POLD1: variants seen among roughly 807,000 people sequenced by gnomAD.
POLD1 encodes the protein DNA polymerase delta 1, catalytic subunit.
Under a neutral mutation model 129.7 loss-of-function variants are expected in POLD1, and 79 were observed. The observed-to-expected ratio is 0.61, with a 90% CI of 0.51 to 0.73. The LOEUF (loss-of-function observed/expected upper bound fraction) is 0.73, where lower values mean the gene tolerates loss of function less well. Ranked by LOEUF, POLD1 falls within the 30% of genes least tolerant of loss-of-function variation. The pLI, the probability that POLD1 is intolerant of heterozygous loss-of-function variation, is 0.00. For synonymous variants in POLD1, 714 were observed against 683.3 expected, an observed-to-expected ratio of 1.04 and a Z score of -0.70; for missense variants, 1,338 against 1,595.8, an observed-to-expected ratio of 0.84 and a Z score of 2.75.
chr19:50,389,328 C>A (rs1204880665), intron 1 of POLD1, among the ~76,000 whole-genome samples: 1 of 151,752 alleles, frequency 6.6e-6, no homozygotes, highest in Non-Finnish European at 1.5e-5. Flanking sequence ...CACCATGTTG[C>A]CTAGGCTGAT....
At position 50,409,026 on chromosome 19, in the gene POLD1, G is replaced by T; in HGVS notation, c.1893-96G>T. 2 of 1,309,448 alleles carry T rather than the reference G, an allele frequency of 1.5e-6. No homozygotes were observed. The highest frequency in any genetic ancestry group is 2.5e-5 in the South Asian group (2 of 78,898). 81.1% of individuals were successfully genotyped at this position (1,309,448 alleles called of 1,614,324 possible). On this transcript the variant is annotated intron_variant, in intron 15 of 26. Coordinates refer to ENST00000440232, the MANE Select transcript of POLD1 (RefSeq NM_002691.4). The surrounding 1 kb of genome is among the most constrained non-coding windows in gnomAD (Gnocchi z 5.8). ...TAGGGAGTGGAGGGGTGCTTGAGGG[G>T]CCTGCGTGTGCTCATGGCCAAGGCC...
At chr19:50,403,681 C>T in intron 10 of POLD1, 84 bp downstream of exon 10, 4 of 880,176 alleles carry the variant, frequency 4.5e-6, no homozygotes, top group Non-Finnish European at 5.8e-6. Flanking sequence ...ACTCCCTCTC[C>T]ACATGGCTTG....
In POLD1 at chr19:50,409,057, C is replaced by T. The variant is rs566410807; in HGVS notation, c.1893-65C>T. ...GTGTGCTCATGGCCAAGGCCAGGAC[C>T]GTAGGGCAGAGGTGGGCTGGAGCAG... On this transcript the variant is annotated intron_variant, in intron 15 of 26. Transcript: ENST00000440232. The surrounding 1 kb of genome is among the most constrained non-coding windows in gnomAD (Gnocchi z 5.8). 32 of 1,381,310 alleles carry T rather than the reference C, an allele frequency of 2.3e-5. No homozygotes were observed. In the East Asian group the frequency reaches 3.7e-4, roughly 16 times the overall value. 85.6% of individuals were successfully genotyped at this position (1,381,310 alleles called of 1,614,324 possible). A position where few individuals can be genotyped will look rare whatever the true frequency, so the allele number is the denominator to read the frequency against.
chr19:50,406,969 G>T lies in POLD1; in HGVS notation c.1495-14G>T, dbSNP rs542376819. The stretch of plus-strand genomic sequence containing the variant: ...CAACCCCTGGTCCCTGACCCCATCC[G>T]TGCCCATCCCCAGAATGGGAACGAC... On this transcript the variant is annotated splice_polypyrimidine_tract_variant and intron_variant, in intron 12 of 26. Transcript: ENST00000440232. The surrounding 1 kb of genome is among the most constrained non-coding windows in gnomAD (Gnocchi z 5.5). 5.3e-6 allele frequency: 6 copies of T among 1,132,700 alleles called. No homozygotes were observed. The highest frequency in any genetic ancestry group is 7.2e-6 in the Non-Finnish European group (6 of 833,172). 70.2% of individuals were successfully genotyped at this position (1,132,700 alleles called of 1,614,324 possible).
chr19:50,396,889 A>G (rs1048438047), intron 1 of POLD1, among the ~76,000 whole-genome samples: 1 of 150,584 alleles, frequency 6.6e-6, no homozygotes, highest in East Asian at 2.0e-4. Flanking sequence ...TGAGGTCAGG[A>G]GTTCAAGACC....
intron 1 of POLD1, among the ~76,000 whole-genome samples, chr19:50,396,268 T>C (rs879255853): frequency 5.9e-5 from 9 of 151,754 alleles, no homozygotes; most frequent in South Asian, 2.1e-4. Flanking sequence ...TTTGTATTTT[T>C]ATTAAAGATA....
chr19:50,404,513 C>T lies in POLD1; in HGVS notation c.1242+916C>T, dbSNP rs559723585. 7.4e-5 allele frequency among the ~76,000 whole-genome samples: 11 copies of T among 148,728 alleles called. 1 individual carries two copies. The highest frequency in any genetic ancestry group is 2.6e-4 in the African/African-American group (10 of 38,990). On this transcript the variant is annotated intron_variant, in intron 10 of 26. Transcript: ENST00000440232. ...TCCTGACCTTGTGATCCGTCTGCCT[C>T]GGCCTCCCAAAGTGTTGGGATTATA...
rs1060501855 is a variant in POLD1, at chr19:50,415,795, C to G, written c.2789C>G (p.Ala930Gly). The change falls in exon 22 of 27, where the codon GCC becomes GGC. Residue 930 changes from alanine to glycine, a missense_variant. Transcript: ENST00000440232. ...DRVPYVIISA[A>G]KGVAAYMKSE... ...GTCCCCTACGTGATCATCAGTGCCG[C>G]CAAGGGTGTGGCCGCCTACATGAAG... 11 of 1,561,750 alleles carry G rather than the reference C, an allele frequency of 7.0e-6. No homozygotes were observed. In the South Asian group the frequency reaches 1.2e-4, roughly 17 times the overall value.
chr19:50,417,393 G>T (rs542768576), intron 26 of POLD1, 124 bp downstream of exon 26: 5 of 655,436 alleles, frequency 7.6e-6, no homozygotes, highest in Non-Finnish European at 1.1e-5. Context: ...TCCCCTTCCA[G>T]CTGTGAGCTG....
At chr19:50,390,109 A>G (rs1292139575) in intron 1 of POLD1, among the ~76,000 whole-genome samples, 1 of 151,564 alleles carries the variant, frequency 6.6e-6, no homozygotes, top group Non-Finnish European at 1.5e-5. Flanking sequence ...GGGTTTCACC[A>G]TGTTGGCCAG....
In POLD1 at chr19:50,416,441, T is replaced by C. The variant is rs766113083; in HGVS notation, c.2866T>C (p.Tyr956His). 1.9e-6 allele frequency: 3 copies of C among 1,550,030 alleles called. No homozygotes were observed. In the South Asian group the frequency reaches 3.6e-5, roughly 18 times the overall value. Residue 956 changes from tyrosine (Y) to histidine (H), a missense_variant, in exon 23 of 27, where the codon TAC becomes CAC. Tyr to His is a moderately conservative substitution (Grantham distance 83). Around this residue, in one of 3 missense-constraint regions of POLD1, gnomAD observed 286 missense variants for 277.5 expected, o/e 1.03. Coordinates refer to ENST00000440232, the MANE Select transcript of POLD1 (RefSeq NM_002691.4). ...GCACAGCCTGCCCATTGACACGCAGTACTACCTGGAGCAGCAGCTGGCCAA... is the reference window on the plus strand; with the variant it reads ...GCACAGCCTGCCCATTGACACGCAGCACTACCTGGAGCAGCAGCTGGCCAA... ...LEHSLPIDTQYYLEQQLAKPL... is the reference protein window; with the variant it reads ...LEHSLPIDTQHYLEQQLAKPL...
At chr19:50,402,160 C>T (rs2038668956) in intron 5 of POLD1, 36 bp downstream of exon 5, 3 of 1,594,144 alleles carry the variant, frequency 1.9e-6, no homozygotes, top group Non-Finnish European at 2.6e-6. Context: ...GTTGGAGGGT[C>T]CCCTCGGGAG....
rs368349780 is a variant in POLD1 at position 50,408,801 on chromosome 19, A to G, written c.1792A>G (p.Ile598Val). 4 of 1,613,730 alleles carry G rather than the reference A, an allele frequency of 2.5e-6. No individual in the cohort carries two copies. Among genetic ancestry groups the G allele is most frequent in the South Asian group, 1.1e-5 (1 of 91,078 alleles). ...CCCTCCCAGGTACTACGACGTCCCC[A>G]TCGCCACCCTGGACTTCTCCTCGCT... ...EPLKGYYDVP[I>V]ATLDFSSLYP... The change falls in exon 15 of 27, where the codon ATC becomes GTC. Residue 598 changes from isoleucine (I) to valine (V), a missense_variant. Transcript: ENST00000440232.
chr19:50,411,497 C>A (rs1415786118), intron 17 of POLD1, among the ~76,000 whole-genome samples: 1 of 150,950 alleles, frequency 6.6e-6, no homozygotes, highest in African/African-American at 2.4e-5. Context: ...TGACCTCTTT[C>A]CTTATTTCTG....
In POLD1 at chr19:50,409,174, ACCT is replaced by A. The variant is rs2122376795; in HGVS notation, c.1947_1949del (p.Ser650del). The A allele has an allele frequency of 6.2e-7, 1 of 1,613,830 alleles. No homozygotes were observed. Among genetic ancestry groups the A allele is most frequent in the Non-Finnish European group, 8.5e-7 (1 of 1,179,872 alleles). ...CCCCACCGGGGACGAGTTTGTGAAG[ACCT>A]CAGTGCGGAAGGGGCTGCTGCCCCA... On this transcript the variant is annotated inframe_deletion, in exon 16 of 27. Coordinates refer to ENST00000440232, the MANE Select transcript of POLD1 (RefSeq NM_002691.4). The surrounding 1 kb of genome is among the most constrained non-coding windows in gnomAD (Gnocchi z 5.8).
chr19:50,402,736 G>A lies in POLD1; in HGVS notation c.965G>A (p.Arg322His), dbSNP rs980303681. 14 of 1,589,546 alleles carry A rather than the reference G, an allele frequency of 8.8e-6. No homozygotes were observed. The highest frequency in any genetic ancestry group is 6.8e-5 in the East Asian group (3 of 44,306). ...VLSFDIECAG[R>H]KGIFPEPERD... ...AGCTTCGATATCGAGTGCGCCGGCC[G>A]CAAAGGTCTGTCCCCGGGCCCGGGC... Residue 322 changes from arginine to histidine, a missense_variant, in exon 8 of 27, where the codon CGC (arginine) becomes CAC (histidine). Coordinates refer to ENST00000440232, the MANE Select transcript of POLD1 (RefSeq NM_002691.4).
At chr19:50,387,228 A>C (rs951178973) in intron 1 of POLD1, among the ~76,000 whole-genome samples, 4 of 152,256 alleles carry the variant, frequency 2.6e-5, no homozygotes, top group African/African-American at 9.6e-5. Flanking sequence ...GAGGCAGGAG[A>C]ATCACTTGAG....
At chr19:50,395,570 C>G (rs1673027) in intron 1 of POLD1, among the ~76,000 whole-genome samples, 3,618 of 149,562 alleles carry the variant, frequency 0.024, 148 homozygotes, top group African/African-American at 0.083. Flanking sequence ...GGAGACAGAG[C>G]GAGACTCCGT....
At position 50,398,910 on chromosome 19, in the gene POLD1, G is replaced by C. The variant is rs778329225; in HGVS notation, c.59G>C (p.Gly20Ala). 6.3e-7 allele frequency: 1 copy of C among 1,599,048 alleles called. No individual in the cohort carries two copies. Residue 20 changes from glycine to alanine, a missense_variant, in exon 2 of 27, where the codon GGG becomes GCG. Around this residue, in one of 3 missense-constraint regions of POLD1, gnomAD observed 332 missense variants for 315.7 expected, o/e 1.05. Coordinates refer to ENST00000440232, the MANE Select transcript of POLD1 (RefSeq NM_002691.4). ...GPGVPPKRAR[G>A]GLWDDDDAPR... ...GGGGTGCCCCCAAAGCGGGCCCGTG[G>C]GGGCCTCTGGGATGATGATGATGCA...
Sources: allele counts gnomAD v4.1 joint callset (sites outside exome capture counted in the v4.1 genomes callset), GRCh38; gene constraint gnomAD v4.1.1; regional missense constraint gnomAD v4.1.1; non-coding constraint Gnocchi (gnomAD v3.1); transcripts MANE v1.5; gene names NCBI Gene and HGNC (gene_info 2026-07-23, HGNC 2026-07-21).